Variants in PIK3CG observed in about 807,000 individuals in gnomAD.
The protein encoded by PIK3CG is phosphatidylinositol-4,5-bisphosphate 3-kinase catalytic subunit gamma.
In PIK3CG, 55 loss-of-function variants were observed where a neutral mutation model predicts 102.3. The ratio of observed to expected loss-of-function variants is 0.54; its 90% confidence interval spans 0.43 to 0.67. The LOEUF is 0.67. Among genes scored for constraint, PIK3CG ranks in the 30% least tolerant of loss-of-function variants. The probability of loss-of-function intolerance (pLI) is 0.00; values close to 1 mark genes in which losing one functional copy is unlikely to be tolerated. For synonymous variants in PIK3CG, 552 were observed against 540.0 expected (o/e 1.02, Z -0.31); for missense variants, 1,258 against 1,391.8 (o/e 0.90, Z 1.53).
chr7:106,885,854 AT>A (rs1791073270), intron 9 of PIK3CG, among the ~76,000 whole-genome samples: 1 of 152,128 alleles, frequency 6.6e-6, no homozygotes, highest in Non-Finnish European at 1.5e-5. Context: ...AGAGAGTTTG[AT>A]TTATGTTTCT....
At position 106,867,836 on chromosome 7, in the gene PIK3CG, G is replaced by A. The variant is rs778832310; in HGVS notation, c.275G>A (p.Gly92Glu). 9 of 1,612,596 alleles carry A rather than the reference G, an allele frequency of 5.6e-6. No homozygotes were observed. Among genetic ancestry groups the A allele is most frequent in the East Asian group, 4.5e-5 (2 of 44,870 alleles). Reference protein sequence around the residue: ...SVAADFYHRLGPHHFLLLYQK... With the variant: ...SVAADFYHRLEPHHFLLLYQK... ...GCGGCGGACTTCTACCACCGGCTGGGACCGCATCACTTCCTCCTGCTCTAT... is the reference window on the plus strand; with the variant it reads ...GCGGCGGACTTCTACCACCGGCTGGAACCGCATCACTTCCTCCTGCTCTAT... Residue 92 changes from glycine (G) to glutamate (E), a missense_variant, in exon 2 of 11, where the codon GGA becomes GAA. Gly to Glu is a moderately conservative substitution (Grantham distance 98). Coordinates refer to ENST00000496166, the MANE Select transcript of PIK3CG (RefSeq NM_001282426.2). The surrounding 1 kb of genome is among the most constrained non-coding windows in gnomAD (Gnocchi z 5.1).
Position 106,867,495 on chromosome 7 carries a change from A to C in PIK3CG, c.-12-55A>C. On this transcript the variant is annotated intron_variant, in intron 1 of 10. Coordinates refer to ENST00000496166, the MANE Select transcript of PIK3CG (RefSeq NM_001282426.2). This position sits in a 1 kb window ranked among gnomAD's most constrained non-coding sequence, Gnocchi z 5.1. ...TCCTCTTCCCTCATCTCACCAGAAA[A>C]TATAAGGGGAAAGTGCCTTTCTTGT... The C allele has an allele frequency of 2.0e-6, 3 of 1,469,746 alleles. No individual in the cohort carries two copies. Among genetic ancestry groups the C allele is most frequent in the Non-Finnish European group, 2.7e-6 (3 of 1,092,940 alleles). 91.0% of individuals were successfully genotyped at this position (1,469,746 alleles called of 1,614,324 possible).
intron 5 of PIK3CG, among the ~76,000 whole-genome samples, chr7:106,878,999 G>A (rs1391738509): frequency 6.6e-6 from 1 of 152,134 alleles, no homozygotes; most frequent in African/African-American, 2.4e-5. Flanking sequence ...AGATGTATGA[G>A]GTTTAGGGGG....
chr7:106,886,823 C>A (rs1280139768), intron 10 of PIK3CG, among the ~76,000 whole-genome samples: 1 of 152,178 alleles, frequency 6.6e-6, no homozygotes, highest in Non-Finnish European at 1.5e-5. Context: ...ACAAGTTCTA[C>A]TAAGACCTCT....
rs543969452 is a variant in PIK3CG at position 106,872,253 on chromosome 7, C to T, written c.1996-284C>T. ...GACCTAATTAGAGCAAATTCCCTCA[C>T]CTCTTCACCTTTGAATTTATCAGCA... On this transcript the variant is annotated intron_variant, in intron 2 of 10. Coordinates refer to ENST00000496166, the MANE Select transcript of PIK3CG (RefSeq NM_001282426.2). This position sits in a 1 kb window ranked among gnomAD's most constrained non-coding sequence, Gnocchi z 5.3. Among the ~76,000 whole-genome samples, 1 of 152,182 alleles carries T rather than the reference C, an allele frequency of 6.6e-6. No individual in the cohort carries two copies. Among genetic ancestry groups the T allele is most frequent in the Non-Finnish European group, 1.5e-5 (1 of 68,024 alleles).
At chr7:106,873,633 CAG>C (rs988466880) in intron 4 of PIK3CG, among the ~76,000 whole-genome samples, 10 of 152,048 alleles carry the variant, frequency 6.6e-5, no homozygotes, top group African/African-American at 2.4e-4. Flanking sequence ...CATTTTATAT[CAG>C]GGGCTTGAGC....
At position 106,902,341 on chromosome 7, in the gene PIK3CG, T is replaced by C. The variant is rs1584350498; in HGVS notation, c.3031-2768T>C. Among the ~76,000 whole-genome samples the C allele has an allele frequency of 6.6e-6, 1 of 152,124 alleles. No individual in the cohort carries two copies. The highest frequency in any genetic ancestry group is 6.5e-5 in the Admixed American group (1 of 15,278). On this transcript the variant is annotated intron_variant, in intron 10 of 10. Transcript: ENST00000496166. The surrounding 1 kb of genome is among the most constrained non-coding windows in gnomAD (Gnocchi z 4.3). Reference sequence around the variant, plus strand: ...GCTGCAGCTTGCTGGAGGTGTAAAATCACCCTTTCTAGGTGTACAGTTCTG... The same window carrying C: ...GCTGCAGCTTGCTGGAGGTGTAAAACCACCCTTTCTAGGTGTACAGTTCTG...
chr7:106,881,516 CAG>C (rs1281335910), intron 6 of PIK3CG, among the ~76,000 whole-genome samples: 1 of 152,060 alleles, frequency 6.6e-6, no homozygotes, highest in African/African-American at 2.4e-5. Context: ...AACATTTGAA[CAG>C]AGAGGTGATG....
rs762519363 is a variant in PIK3CG, at chr7:106,867,953, G to T, written c.392G>T (p.Ser131Ile). Reference protein sequence around the residue: ...CLRYWKATHRSPGQIHLVQRH... With the variant: ...CLRYWKATHRIPGQIHLVQRH... The stretch of plus-strand genomic sequence containing the variant: ...CGCTACTGGAAGGCCACGCACCGGA[G>T]CCCGGGCCAGATCCACCTGGTGCAG... The change falls in exon 2 of 11, where the codon AGC (serine) becomes ATC (isoleucine). Residue 131 changes from serine to isoleucine, a missense_variant. By Grantham distance (142) the Ser-to-Ile change is moderately radical. Transcript: ENST00000496166. This position sits in a 1 kb window ranked among gnomAD's most constrained non-coding sequence, Gnocchi z 5.1. 6.2e-7 allele frequency: 1 copy of T among 1,612,914 alleles called. No homozygotes were observed. Among genetic ancestry groups the T allele is most frequent in the East Asian group, 2.2e-5 (1 of 44,862 alleles).
chr7:106,869,587 C>G lies in PIK3CG; in HGVS notation c.1995+31C>G, dbSNP rs2116468821. 6.6e-7 allele frequency: 1 copy of G among 1,523,438 alleles called. No homozygotes were observed. Among genetic ancestry groups the G allele is most frequent in the Non-Finnish European group, 8.9e-7 (1 of 1,127,396 alleles). The allele number at this position is 1,523,438 out of a possible 1,614,324, so 94.4% of individuals were successfully genotyped here. On this transcript the variant is annotated intron_variant, in intron 2 of 10. Transcript: ENST00000496166. The surrounding 1 kb of genome is among the most constrained non-coding windows in gnomAD (Gnocchi z 5.3). ...GGATGTTGGTGTTATCAATGGAAGCCTTCTCAAAAGGAATTGATTTGCATA... is the reference window on the plus strand; with the variant it reads ...GGATGTTGGTGTTATCAATGGAAGCGTTCTCAAAAGGAATTGATTTGCATA...
At position 106,902,714 on chromosome 7, in the gene PIK3CG, T is replaced by G. The variant is rs1379292818; in HGVS notation, c.3031-2395T>G. On this transcript the variant is annotated intron_variant, in intron 10 of 10. Coordinates refer to ENST00000496166, the MANE Select transcript of PIK3CG (RefSeq NM_001282426.2). This position sits in a 1 kb window ranked among gnomAD's most constrained non-coding sequence, Gnocchi z 4.3. ...TATTTCTGGCCAATTATCTCTTTCTTATTGATTTTTAAGAACTATTAGGGG... is the reference window on the plus strand; with the variant it reads ...TATTTCTGGCCAATTATCTCTTTCTGATTGATTTTTAAGAACTATTAGGGG... Among the ~76,000 whole-genome samples the G allele has an allele frequency of 6.6e-6, 1 of 152,178 alleles. No individual in the cohort carries two copies. The highest frequency in any genetic ancestry group is 1.5e-5 in the Non-Finnish European group (1 of 68,022).
chr7:106,888,019 C>T (rs1268775628), intron 10 of PIK3CG, among the ~76,000 whole-genome samples: 1 of 139,036 alleles, frequency 7.2e-6, no homozygotes, highest in Admixed American at 8.1e-5. Context: ...CAGCTCACTG[C>T]AGCCTCCACC....
Position 106,906,848 on chromosome 7 carries a change from T to TA in PIK3CG, c.*1463dup. ...GACCTTTTCTTTTTTTTTTTTTTTT[T>TA]AATGTGTGCAAAAGCCCAAAGGTTC... On this transcript the variant is annotated 3_prime_UTR_variant, in exon 11 of 11. Coordinates refer to ENST00000496166, the MANE Select transcript of PIK3CG (RefSeq NM_001282426.2). 1 of 224,668 alleles carries TA rather than the reference T, an allele frequency of 4.5e-6. No homozygotes were observed. The highest frequency in any genetic ancestry group is 8.8e-6 in the Non-Finnish European group (1 of 113,480). 13.9% of individuals were successfully genotyped at this position (224,668 alleles called of 1,614,324 possible).
rs778434743 is a variant in PIK3CG at position 106,868,064 on chromosome 7, T to G, written c.503T>G (p.Val168Gly). The G allele has an allele frequency of 3.7e-6, 6 of 1,612,810 alleles. No individual in the cohort carries two copies. The highest frequency in any genetic ancestry group is 4.2e-6 in the Non-Finnish European group (5 of 1,179,326). ...TATGACGTCACTGACGTCAGCAACG[T>G]GCACGACGATGAGCTGGAGTTCACG... Reference protein sequence around the residue: ...IGYDVTDVSNVHDDELEFTRR... With the variant: ...IGYDVTDVSNGHDDELEFTRR... Residue 168 changes from valine (V) to glycine (G), a missense_variant, in exon 2 of 11, where the codon GTG (valine) becomes GGG (glycine). Around this residue, in one of 2 missense-constraint regions of PIK3CG, gnomAD observed 832 missense variants for 787.5 expected, o/e 1.06. Transcript: ENST00000496166. The surrounding 1 kb of genome is among the most constrained non-coding windows in gnomAD (Gnocchi z 6.2).
rs1243506605 is a variant in PIK3CG, at chr7:106,905,105, C to G, written c.3031-4C>G. ...GTAACAGCATTTTCTTCTTCTTTAT[C>G]CAGGACATCTGTGTTAAGGCTTATC... On this transcript the variant is annotated splice_region_variant and splice_polypyrimidine_tract_variant and intron_variant, in intron 10 of 10. Coordinates refer to ENST00000496166, the MANE Select transcript of PIK3CG (RefSeq NM_001282426.2). The surrounding 1 kb of genome is among the most constrained non-coding windows in gnomAD (Gnocchi z 5.6). 33 of 1,611,328 alleles carry G rather than the reference C, an allele frequency of 2.0e-5. No homozygotes were observed. The highest frequency in any genetic ancestry group is 2.8e-5 in the Non-Finnish European group (33 of 1,178,302).
chr7:106,874,800 G>A lies in PIK3CG; in HGVS notation c.2388G>A (p.Leu796=), dbSNP rs1790667490. 6.2e-7 allele frequency: 1 copy of A among 1,604,972 alleles called. No homozygotes were observed. The highest frequency in any genetic ancestry group is 1.7e-5 in the Admixed American group (1 of 59,892). Residue 796 remains leucine, a synonymous_variant, in exon 5 of 11, where the codon CTG becomes CTA. Coordinates refer to ENST00000496166, the MANE Select transcript of PIK3CG (RefSeq NM_001282426.2). This position sits in a 1 kb window ranked among gnomAD's most constrained non-coding sequence, Gnocchi z 4.3. ...PYDPGLKAGA[L]AIEKCKVMAS... is the part of the protein sequence containing the mutation. ...ATCCTGGACTGAAAGCAGGAGCGCT[G>A]GCAGTAGGTATCACTTGGATGTCTC...
chr7:106,866,469 A>C (rs1169238001), intron 1 of PIK3CG, among the ~76,000 whole-genome samples: 1 of 152,174 alleles, frequency 6.6e-6, no homozygotes, highest in African/African-American at 2.4e-5. Context: ...ATGAGAATAA[A>C]TTTGTGAATT....
chr7:106,878,529 G>T (rs1042046437), intron 5 of PIK3CG, among the ~76,000 whole-genome samples: 9 of 152,154 alleles, frequency 5.9e-5, no homozygotes, highest in African/African-American at 1.9e-4. Flanking sequence ...CTGTGCTGTA[G>T]CCTAGAAACA....
rs1174993618 is a variant in PIK3CG at position 106,867,961 on chromosome 7, C to G, written c.400C>G (p.Gln134Glu). 6 of 1,612,774 alleles carry G rather than the reference C, an allele frequency of 3.7e-6. No individual in the cohort carries two copies. The highest frequency in any genetic ancestry group is 4.2e-6 in the Non-Finnish European group (5 of 1,179,630). The change falls in exon 2 of 11, where the codon CAG (glutamine) becomes GAG (glutamate). Residue 134 changes from glutamine to glutamate, a missense_variant. By Grantham distance (29) the Gln-to-Glu change is conservative (BLOSUM62 2). Coordinates refer to ENST00000496166, the MANE Select transcript of PIK3CG (RefSeq NM_001282426.2). This position sits in a 1 kb window ranked among gnomAD's most constrained non-coding sequence, Gnocchi z 5.1. The stretch of plus-strand genomic sequence containing the variant: ...GAAGGCCACGCACCGGAGCCCGGGC[C>G]AGATCCACCTGGTGCAGCGGCACCC... ...YWKATHRSPG[Q>E]IHLVQRHPPS...
Sources: allele counts gnomAD v4.1 joint callset (sites outside exome capture counted in the v4.1 genomes callset), GRCh38; gene constraint gnomAD v4.1.1; regional missense constraint gnomAD v4.1.1; non-coding constraint Gnocchi (gnomAD v3.1); transcripts MANE v1.5; gene names NCBI Gene and HGNC (gene_info 2026-07-23, HGNC 2026-07-21).